Variants in NRDC observed in about 807,000 individuals in gnomAD.
The protein encoded by NRDC is nardilysin convertase, also known as nardilysin.
In NRDC, 54 loss-of-function variants were observed where a neutral mutation model predicts 147.1. The observed-to-expected ratio is 0.37, with a 90% CI of 0.29 to 0.46. NRDC has a LOEUF of 0.46. NRDC is among the 20% of genes least tolerant of loss of function. The probability of loss-of-function intolerance (pLI) is 1.00; values close to 1 mark genes in which losing one functional copy is unlikely to be tolerated. For missense variants in NRDC, 1,082 were observed against 1,370.6 expected (o/e 0.79, Z 3.33); for synonymous variants, 440 against 482.1 (o/e 0.91, Z 1.14).
In NRDC at chr1:51,809,439, G is replaced by A. The variant is rs139489772; in HGVS notation, c.1904-38C>T. 3.2e-5 allele frequency: 42 copies of A among 1,298,176 alleles called. No homozygotes were observed. In the African/African-American group the frequency reaches 3.6e-4, roughly 11 times the overall value. 80.4% of individuals were successfully genotyped at this position (1,298,176 alleles called of 1,614,324 possible). A position where few individuals can be genotyped will look rare whatever the true frequency, so the allele number is the denominator to read the frequency against. ...AAAATAAACTGACCCAATAAACAATGCAATGTTCAACATTCTCTTAATAAT... is the reference window on the plus strand; with the variant it reads ...AAAATAAACTGACCCAATAAACAATACAATGTTCAACATTCTCTTAATAAT... On this transcript the variant is annotated intron_variant, in intron 16 of 30. Transcript: ENST00000352171.
intron 3 of NRDC, among the ~76,000 whole-genome samples, chr1:51,835,343 G>C (rs1014683579): frequency 4.0e-5 from 6 of 151,888 alleles, no homozygotes; most frequent in Non-Finnish European, 5.9e-5. Context: ...TTACAGGAGT[G>C]AGCCACCGCG....
chr1:51,864,052 A>G (rs1682682667), intron 1 of NRDC, among the ~76,000 whole-genome samples: 1 of 152,214 alleles, frequency 6.6e-6, no homozygotes, highest in Admixed American at 6.5e-5. Context: ...TGAATATCTC[A>G]TGTAATTTAC....
rs200623716 is a variant in NRDC at position 51,857,096 on chromosome 1, TAAA to T, written c.342-16585_342-16583del. 2.0e-4 allele frequency among the ~76,000 whole-genome samples: 30 copies of T among 152,344 alleles called. No homozygotes were observed. In the East Asian group the frequency reaches 3.3e-3, roughly 17 times the overall value. On this transcript the variant is annotated intron_variant, in intron 1 of 30. Transcript: ENST00000352171. ...GAAAACCAATATATATAACATCTGT[TAAA>T]TTAAGTCTAACCTAAAGCCACCTCC...
chr1:51,866,837 A>T (rs918219089), intron 1 of NRDC, among the ~76,000 whole-genome samples: 2 of 152,136 alleles, frequency 1.3e-5, no homozygotes, highest in Non-Finnish European at 2.9e-5. Flanking sequence ...CTAGTACGGT[A>T]TATACATGAA....
chr1:51,798,497 A>G (rs1679039234), intron 21 of NRDC, 86 bp from the exon 22 acceptor site: 1 of 1,170,044 alleles, frequency 8.5e-7, no homozygotes, highest in Non-Finnish European at 1.2e-6. Context: ...TCAAAGTTCT[A>G]TAAAGGATGT....
intron 10 of NRDC, among the ~76,000 whole-genome samples, chr1:51,817,791 C>G (rs962816251): frequency 5.3e-5 from 8 of 152,118 alleles, no homozygotes; most frequent in African/African-American, 1.7e-4. Context: ...TTATTTTTGA[C>G]AAGATCGAAA....
intron 1 of NRDC, among the ~76,000 whole-genome samples, chr1:51,874,525 C>T (rs897962613): frequency 2.0e-5 from 3 of 151,990 alleles, no homozygotes; most frequent in African/African-American, 7.3e-5. Context: ...GGAAGGATCA[C>T]CTAAGCCTGG....
chr1:51,849,956 A>G (rs1439346492), intron 1 of NRDC, among the ~76,000 whole-genome samples: 3 of 151,216 alleles, frequency 2.0e-5, no homozygotes, highest in Non-Finnish European at 4.4e-5. Context: ...AGGCAGGCAG[A>G]TCACTTGAGC....
At chr1:51,872,314 T>G (rs1683123579) in intron 1 of NRDC, among the ~76,000 whole-genome samples, 1 of 152,160 alleles carries the variant, frequency 6.6e-6, no homozygotes, top group African/African-American at 2.4e-5. Flanking sequence ...TGCTAAATCT[T>G]ATTTTCCTAA....
Position 51,814,127 on chromosome 1 carries a change from A to G in NRDC, c.1620-38T>C, listed in dbSNP as rs763878025. The G allele has an allele frequency of 5.9e-6, 8 of 1,357,650 alleles. No individual in the cohort carries two copies. The South Asian group carries it at 8.2e-5, about 14-fold the overall frequency. 84.1% of individuals were successfully genotyped at this position (1,357,650 alleles called of 1,614,324 possible). On this transcript the variant is annotated intron_variant, in intron 13 of 30. Coordinates refer to ENST00000352171, the MANE Select transcript of NRDC (RefSeq NM_001101662.2). ...AAACTATAATTAGAAGATACATTAAAATTTCTGCCTACTTGAGGGAGAAGG... is the reference window on the plus strand; with the variant it reads ...AAACTATAATTAGAAGATACATTAAGATTTCTGCCTACTTGAGGGAGAAGG...
chr1:51,857,348 T>G (rs1682303795), intron 1 of NRDC, among the ~76,000 whole-genome samples: 1 of 152,196 alleles, frequency 6.6e-6, no homozygotes, highest in African/African-American at 2.4e-5. Flanking sequence ...TCACTTTCCT[T>G]TTTGTGTCCA....
chr1:51,805,163 T>C lies in NRDC; in HGVS notation c.2162+347A>G, dbSNP rs150145135. Among the ~76,000 whole-genome samples the C allele has an allele frequency of 5.3e-5, 8 of 152,370 alleles. No individual in the cohort carries two copies. The East Asian group carries it at 1.5e-3, about 29-fold the overall frequency. ...GAACAGGAACAATCACATTCCTTGG[T>C]AGTCTATAAATACAGAATCAACAGA... On this transcript the variant is annotated intron_variant, in intron 19 of 30. Transcript: ENST00000352171.
At chr1:51,837,403 TA>T in intron 2 of NRDC, 1 of 1,296,268 alleles carries the variant, frequency 7.7e-7, no homozygotes, top group South Asian at 2.5e-5. Flanking sequence ...CTTAGGCACA[TA>T]AACTCAGTTA....
At chr1:51,867,094 C>G (rs1012476427) in intron 1 of NRDC, among the ~76,000 whole-genome samples, 3 of 152,092 alleles carry the variant, frequency 2.0e-5, no homozygotes, top group African/African-American at 7.2e-5. Context: ...CCTGCCTCAG[C>G]CTACCAAAGC....
At chr1:51,803,092 C>T (rs1679284124) in intron 20 of NRDC, among the ~76,000 whole-genome samples, 1 of 152,146 alleles carries the variant, frequency 6.6e-6, no homozygotes, top group African/African-American at 2.4e-5. Flanking sequence ...ACAAGACACA[C>T]ATACTTGAAA....
chr1:51,791,424 G>C (rs1252408674), intron 27 of NRDC, among the ~76,000 whole-genome samples, 154 bp downstream of exon 27: 2 of 152,202 alleles, frequency 1.3e-5, no homozygotes, highest in East Asian at 3.9e-4. Context: ...TCCTGGAACA[G>C]ACCATCTATA....
At chr1:51,842,213 T>G (rs1259928630) in intron 1 of NRDC, among the ~76,000 whole-genome samples, 1 of 149,738 alleles carries the variant, frequency 6.7e-6, no homozygotes, top group Admixed American at 6.6e-5. Flanking sequence ...CACATTTAAG[T>G]GATAGAAAAA....
At position 51,853,771 on chromosome 1, in the gene NRDC, C is replaced by T. The variant is rs559320082; in HGVS notation, c.342-13257G>A. Among the ~76,000 whole-genome samples, 15 of 152,320 alleles carry T rather than the reference C, an allele frequency of 9.8e-5. No individual in the cohort carries two copies. The East Asian group carries it at 2.9e-3, about 29-fold the overall frequency. On this transcript the variant is annotated intron_variant, in intron 1 of 30. Coordinates refer to ENST00000352171, the MANE Select transcript of NRDC (RefSeq NM_001101662.2). ...ACATGCAATACTTATATAAATGAAT[C>T]TGCTGAGGTAGAAACTCATCTAAAA...
chr1:51,795,762 C>T (rs916029484), intron 22 of NRDC: 1 of 152,570 alleles, frequency 6.6e-6, no homozygotes, highest in Non-Finnish European at 1.5e-5. Flanking sequence ...ACTCTTACTA[C>T]TGTTCCTGTT....
Sources: gnomAD v4.1 joint callset for allele counts (sites outside exome capture counted in the v4.1 genomes callset) on GRCh38, gnomAD v4.1.1 for gene constraint, MANE v1.5 for transcripts, NCBI Gene and HGNC (gene_info 2026-07-23, HGNC 2026-07-21) for gene names.